The following CDH11 variants were observed in gnomAD, a reference collection of about 807,000 sequenced individuals.
CDH11 encodes the protein cadherin 11.
In CDH11, 11 loss-of-function variants were observed where a neutral mutation model predicts 67.8. That is an observed-to-expected ratio of 0.16 (90% confidence interval 0.10 to 0.27). The LOEUF is 0.27. CDH11 is among the 10% of genes least tolerant of loss of function. The pLI is 1.00. For synonymous variants in CDH11, 419 were observed against 400.0 expected, an observed-to-expected ratio of 1.05 and a Z score of -0.57; for missense variants, 847 against 1,031.2, an observed-to-expected ratio of 0.82 and a Z score of 2.45.
chr16:65,000,840 T>C (rs950858758), intron 3 of CDH11, among the ~76,000 whole-genome samples: 2 of 151,766 alleles, frequency 1.3e-5, no homozygotes, highest in Admixed American at 1.3e-4. Context: ...TTAAATAAAA[T>C]AATAAAAACT....
chr16:64,984,730 T>G (rs2072443226), intron 7 of CDH11: 1 of 152,186 alleles, frequency 6.6e-6, no homozygotes, highest in African/African-American at 2.4e-5. Context: ...ACATAATGAT[T>G]CGTCAATAGG....
At chr16:65,104,569 T>C (rs898691916) in intron 1 of CDH11, among the ~76,000 whole-genome samples, 1 of 152,152 alleles carries the variant, frequency 6.6e-6, no homozygotes, top group Non-Finnish European at 1.5e-5. Context: ...AACAGAAGCA[T>C]GTAATATACA....
At chr16:65,030,119 A>C (rs1395962596) in intron 2 of CDH11, among the ~76,000 whole-genome samples, 3 of 152,190 alleles carry the variant, frequency 2.0e-5, no homozygotes, top group Admixed American at 6.5e-5. Flanking sequence ...GGATAATGTT[A>C]CAAACTCTAC....
At chr16:65,075,748 C>A (rs150774119) in intron 1 of CDH11, among the ~76,000 whole-genome samples, 4 of 152,170 alleles carry the variant, frequency 2.6e-5, no homozygotes, top group Admixed American at 1.3e-4. Context: ...GCACAGCCAG[C>A]GTAGACAATG....
chr16:65,023,489 A>AAGAGCAAGTCCACAGAGTAAAGTG (rs2073469196), intron 2 of CDH11, among the ~76,000 whole-genome samples: 4 of 152,212 alleles, frequency 2.6e-5, no homozygotes, highest in African/African-American at 9.6e-5. Context: ...GAAGAAGTTT[A>AAGAGCAAGTCCACAGAGTAAAGTG]AGAGCAAGTC....
intron 11 of CDH11, among the ~76,000 whole-genome samples, chr16:64,967,034 G>A (rs1161315172): frequency 6.6e-6 from 1 of 152,074 alleles, no homozygotes; most frequent in Non-Finnish European, 1.5e-5. Context: ...AACTTAAAAT[G>A]TTACATTTAA....
At chr16:65,040,292 C>CCA in intron 2 of CDH11, among the ~76,000 whole-genome samples, 2 of 152,124 alleles carry the variant, frequency 1.3e-5, no homozygotes, top group East Asian at 3.8e-4. Context: ...ATAGCAAAGA[C>CCA]TTGGAACCAA....
chr16:65,122,132 G>C, upstream of CDH11: 1 of 513,790 alleles, frequency 1.9e-6, no homozygotes, highest in Non-Finnish European at 3.4e-6. Flanking sequence ...AGGCGGGTGC[G>C]GGGCGGGGGG....
In CDH11 at chr16:65,121,194, C is replaced by T. The variant is rs1251137099; in HGVS notation, c.-298+686G>A. 6.6e-6 allele frequency among the ~76,000 whole-genome samples: 1 copy of T among 152,206 alleles called. No individual in the cohort carries two copies. The highest frequency in any genetic ancestry group is 2.4e-5 in the African/African-American group (1 of 41,466). On this transcript the variant is annotated intron_variant, in intron 1 of 12. Coordinates refer to ENST00000268603, the MANE Select transcript of CDH11 (RefSeq NM_001797.4). This position sits in a 1 kb window ranked among gnomAD's most constrained non-coding sequence, Gnocchi z 4.1. ...TCCTGCGCTGGTGGGAGCTTACAAA[C>T]GGGCGCCAGAGCTCCCGCAGAGACT...
At chr16:65,118,749 T>C (rs766234471) in intron 1 of CDH11, 10 of 152,232 alleles carry the variant, frequency 6.6e-5, no homozygotes, top group African/African-American at 9.6e-5. Flanking sequence ...AAAAAAAGTT[T>C]GATACCTACT....
chr16:64,985,432 T>C (rs1244628697), intron 7 of CDH11: 3 of 152,072 alleles, frequency 2.0e-5, no homozygotes, highest in Admixed American at 6.6e-5. Flanking sequence ...ATTCTCAAGA[T>C]TGAAGGTATT....
At chr16:65,069,546 C>T (rs1006793159) in intron 1 of CDH11, among the ~76,000 whole-genome samples, 3 of 152,106 alleles carry the variant, frequency 2.0e-5, no homozygotes, top group African/African-American at 4.8e-5. Context: ...GTACAAATAC[C>T]GATACCTGAG....
chr16:65,024,986 C>T (rs2073502343), intron 2 of CDH11, among the ~76,000 whole-genome samples: 1 of 152,162 alleles, frequency 6.6e-6, no homozygotes, highest in South Asian at 2.1e-4. Flanking sequence ...AAAAATGAAA[C>T]CATGTCTGAT....
chr16:64,976,245 G>A (rs533122506), intron 8 of CDH11, among the ~76,000 whole-genome samples: 4 of 152,220 alleles, frequency 2.6e-5, no homozygotes, highest in African/African-American at 9.6e-5. Context: ...CAGAGAGAAG[G>A]ACCAAGTCAA....
intron 1 of CDH11, among the ~76,000 whole-genome samples, chr16:65,075,013 T>C (rs967941505): frequency 6.6e-6 from 1 of 152,078 alleles, no homozygotes; most frequent in Non-Finnish European, 1.5e-5. Flanking sequence ...TCTTACACTC[T>C]CTAGAACATG....
intron 1 of CDH11, among the ~76,000 whole-genome samples, chr16:65,120,857 G>A (rs551437782): frequency 6.6e-6 from 1 of 152,274 alleles, no homozygotes; most frequent in Non-Finnish European, 1.5e-5. Flanking sequence ...ACTTTCTCTG[G>A]GGACTCCGCT....
At chr16:65,016,263 T>C (rs1419306837) in intron 2 of CDH11, among the ~76,000 whole-genome samples, 2 of 152,182 alleles carry the variant, frequency 1.3e-5, no homozygotes, top group Non-Finnish European at 1.5e-5. Context: ...AATAATCCAA[T>C]CTTTGAAACC....
intron 6 of CDH11, among the ~76,000 whole-genome samples, chr16:64,988,890 G>A (rs2072560767): frequency 6.6e-6 from 1 of 152,090 alleles, no homozygotes; most frequent in Admixed American, 6.5e-5. Flanking sequence ...CAACTTGCCT[G>A]CTTCACAAGT....
intron 1 of CDH11, among the ~76,000 whole-genome samples, chr16:65,064,121 G>T: frequency 6.6e-6 from 1 of 152,198 alleles, no homozygotes; most frequent in East Asian, 1.9e-4. Flanking sequence ...CCAGGTTTCA[G>T]AGTCAAGATG....
Sources: allele counts gnomAD v4.1 joint callset (sites outside exome capture counted in the v4.1 genomes callset), GRCh38; gene constraint gnomAD v4.1.1; non-coding constraint Gnocchi (gnomAD v3.1); transcripts MANE v1.5; gene names NCBI Gene and HGNC (gene_info 2026-07-23, HGNC 2026-07-21).